Variants in PALM2AKAP2 observed in about 807,000 individuals in gnomAD.
PALM2AKAP2 encodes PALM2 and AKAP2 fusion.
In PALM2AKAP2, 37 loss-of-function variants were observed where a neutral mutation model predicts 71.5. The ratio of observed to expected loss-of-function variants is 0.52; its 90% CI spans 0.40 to 0.68. The LOEUF is 0.68. Among genes scored for constraint, PALM2AKAP2 ranks in the 30% least tolerant of loss-of-function variants. The pLI, the probability that PALM2AKAP2 is intolerant of heterozygous loss-of-function variation, is 0.00. For synonymous variants in PALM2AKAP2, 468 were observed against 478.8 expected, an observed-to-expected ratio of 0.98 and a Z score of 0.29; for missense variants, 1,224 against 1,191.8, an observed-to-expected ratio of 1.03 and a Z score of -0.40.
chr9:109,765,474 GATC>G (rs55668686), intron 1 of PALM2AKAP2: 7,661 of 94,962 alleles, frequency 0.081, 237 homozygotes, highest in East Asian at 0.12. Context: ...TCATGATCAT[GATC>G]ATCATCATCA....
chr9:110,171,297 G>T (rs1200083256), exon 4 of PALM2AKAP2: 1 of 152,206 alleles, frequency 6.6e-6, no homozygotes, highest in Non-Finnish European at 1.5e-5. Context: ...AGAGCTGGGG[G>T]TTCTTGGGCC....
exon 4 of PALM2AKAP2, chr9:110,170,419 A>T: frequency 6.5e-6 from 1 of 152,732 alleles, no homozygotes. Flanking sequence ...CTTTTATTAG[A>T]CTAGTGTTGA....
At chr9:110,092,256 C>T (rs945674381) in intron 1 of PALM2AKAP2, among the ~76,000 whole-genome samples, 5 of 152,004 alleles carry the variant, frequency 3.3e-5, no homozygotes, top group African/African-American at 4.8e-5. Flanking sequence ...TACATGAACC[C>T]GGGAGGTGGA....
chr9:109,665,508 G>T (rs541779957), intron 1 of PALM2AKAP2, among the ~76,000 whole-genome samples: 1 of 152,156 alleles, frequency 6.6e-6, no homozygotes, highest in Non-Finnish European at 1.5e-5. Context: ...CCTGGGTATC[G>T]CCAGCGGAGG....
intron 7 of PALM2AKAP2, among the ~76,000 whole-genome samples, chr9:110,038,895 T>C (rs260200): frequency 0.66 from 95,286 of 144,092 alleles, 32,084 homozygotes; most frequent in African/African-American, 0.8. Context: ...GAGCCGCGAT[T>C]GTGCCACTCC....
At chr9:109,746,561 C>A (rs1161203756) in intron 1 of PALM2AKAP2, among the ~76,000 whole-genome samples, 1 of 151,996 alleles carries the variant, frequency 6.6e-6, no homozygotes, top group African/African-American at 2.4e-5. Context: ...TATTATTGAT[C>A]AATAATTATT....
intron 2 of PALM2AKAP2, among the ~76,000 whole-genome samples, chr9:110,145,445 A>G (rs770878067): frequency 6.6e-6 from 1 of 152,178 alleles, no homozygotes; most frequent in Non-Finnish European, 1.5e-5. Flanking sequence ...GAAAACTTCG[A>G]AAGAACTGGG....
At chr9:110,121,551 A>G (rs994343346) in intron 1 of PALM2AKAP2, among the ~76,000 whole-genome samples, 5 of 152,154 alleles carry the variant, frequency 3.3e-5, no homozygotes, top group African/African-American at 1.2e-4. Flanking sequence ...ATTCCAGGCA[A>G]TGGGCTGGCT....
intron 1 of PALM2AKAP2, among the ~76,000 whole-genome samples, chr9:109,687,415 T>C (rs1827821136): frequency 6.6e-6 from 1 of 152,242 alleles, no homozygotes; most frequent in African/African-American, 2.4e-5. Context: ...TTCTGGATTA[T>C]TTGCTGAAGC....
At chr9:110,135,588 A>G (rs1418008942) in intron 1 of PALM2AKAP2, among the ~76,000 whole-genome samples, 1 of 152,172 alleles carries the variant, frequency 6.6e-6, no homozygotes, top group Non-Finnish European at 1.5e-5. Context: ...TGGTGTTCAT[A>G]AGGCACATGG....
At chr9:109,746,779 A>G (rs146179812) in intron 1 of PALM2AKAP2, among the ~76,000 whole-genome samples, 38 of 152,342 alleles carry the variant, frequency 2.5e-4, no homozygotes, top group Non-Finnish European at 3.8e-4. Context: ...AGATGAGGAA[A>G]CTAAGGCACA....
Position 109,690,087 on chromosome 9 carries a change from G to A in PALM2AKAP2, c.5+49221G>A, listed in dbSNP as rs193096442. 1.2e-3 allele frequency among the ~76,000 whole-genome samples: 189 copies of A among 151,950 alleles called. 1 individual carries two copies. The highest frequency in any genetic ancestry group is 4.2e-3 in the African/African-American group (176 of 41,438). Reference sequence around the variant, plus strand: ...TCCATGGAGTGGTTTTCCCCCTGCCGGAGGGGATCAGTGGGTCAGCAGGGC... The same window carrying A: ...TCCATGGAGTGGTTTTCCCCCTGCCAGAGGGGATCAGTGGGTCAGCAGGGC... On this transcript the variant is annotated intron_variant, in intron 1 of 6. Coordinates refer to the PALM2AKAP2 transcript ENST00000374531.
intron 1 of PALM2AKAP2, among the ~76,000 whole-genome samples, chr9:109,857,336 A>G (rs1275184884): frequency 6.6e-6 from 1 of 152,230 alleles, no homozygotes; most frequent in Non-Finnish European, 1.5e-5. Flanking sequence ...TCATTAGACT[A>G]TTCGATTTCT....
Position 109,674,078 on chromosome 9 carries a change from T to A in PALM2AKAP2, c.5+33212T>A, listed in dbSNP as rs543228816. Among the ~76,000 whole-genome samples, 4 of 152,048 alleles carry A rather than the reference T, an allele frequency of 2.6e-5. No homozygotes were observed. In the East Asian group the frequency reaches 7.7e-4, roughly 29 times the overall value. On this transcript the variant is annotated intron_variant, in intron 1 of 6. Coordinates refer to the PALM2AKAP2 transcript ENST00000374531. ...TCTTTTGACCTGTGTTTGAGTTCAGTGGTGTTTTTCTTCTGTACTGTCCAG... is the reference window on the plus strand; with the variant it reads ...TCTTTTGACCTGTGTTTGAGTTCAGAGGTGTTTTTCTTCTGTACTGTCCAG...
At chr9:110,015,730 T>C (rs748455875) in intron 6 of PALM2AKAP2, among the ~76,000 whole-genome samples, 1 of 152,180 alleles carries the variant, frequency 6.6e-6, no homozygotes, top group South Asian at 2.1e-4. Flanking sequence ...ATTTAGACAA[T>C]GGATCCTAAA....
intron 1 of PALM2AKAP2, among the ~76,000 whole-genome samples, chr9:110,108,814 T>C (rs1250209219): frequency 6.6e-6 from 1 of 152,102 alleles, no homozygotes; most frequent in Non-Finnish European, 1.5e-5. Context: ...AAAGAAAGTG[T>C]ATCAAAATTA....
intron 1 of PALM2AKAP2, among the ~76,000 whole-genome samples, chr9:109,754,433 C>G (rs999559559): frequency 1.3e-5 from 2 of 152,092 alleles, no homozygotes; most frequent in Non-Finnish European, 2.9e-5. Context: ...GAGATCTGCC[C>G]TCTTCACAGA....
intron 1 of PALM2AKAP2, chr9:109,862,759 G>A (rs1347268627): frequency 2.3e-6 from 1 of 439,656 alleles, no homozygotes; most frequent in Non-Finnish European, 4.6e-6. Context: ...ATTGACAGAT[G>A]TTCATTAAAG....
chr9:109,659,911 G>A (rs1444376850), intron 1 of PALM2AKAP2, among the ~76,000 whole-genome samples: 1 of 152,088 alleles, frequency 6.6e-6, no homozygotes, highest in Non-Finnish European at 1.5e-5. Context: ...TGTGATCATG[G>A]TTTACTTCAC....
Sources: gnomAD v4.1 joint callset for allele counts (sites outside exome capture counted in the v4.1 genomes callset) on GRCh38, gnomAD v4.1.1 for gene constraint, MANE v1.5 for transcripts, NCBI Gene and HGNC (gene_info 2026-07-23, HGNC 2026-07-21) for gene names.